The following SORCS3 variants were observed in gnomAD, a reference collection of about 807,000 sequenced individuals.
SORCS3 encodes the protein sortilin related VPS10 domain containing receptor 3, also known as VPS10 domain-containing receptor SorCS3.
Under a neutral mutation model 146.3 loss-of-function variants are expected in SORCS3, and 57 were observed. That is an observed-to-expected ratio of 0.39 (90% CI 0.31 to 0.49). SORCS3 has a LOEUF of 0.49. Ranked by LOEUF, SORCS3 falls within the 20% of genes least tolerant of loss-of-function variation. SORCS3 has a pLI of 0.92. For missense variants in SORCS3, 1,341 were observed against 1,575.5 expected (o/e 0.85, Z 2.52); for synonymous variants, 653 against 618.5 (o/e 1.06, Z -0.83).
chr10:105,248,509 A>G (rs920680263), intron 22 of SORCS3, among the ~76,000 whole-genome samples: 1 of 152,028 alleles, frequency 6.6e-6, no homozygotes, highest in Non-Finnish European at 1.5e-5. Context: ...AGGTCAAGAG[A>G]TCGAGACCAT....
chr10:104,987,484 G>A (rs1209300942), intron 4 of SORCS3, among the ~76,000 whole-genome samples: 5 of 152,160 alleles, frequency 3.3e-5, no homozygotes, highest in Admixed American at 1.3e-4. Flanking sequence ...GGCTGATTTA[G>A]TAAAACCCTT....
At chr10:104,712,038 C>G (rs780975443) in intron 1 of SORCS3, among the ~76,000 whole-genome samples, 3 of 152,150 alleles carry the variant, frequency 2.0e-5, no homozygotes, top group Non-Finnish European at 4.4e-5. Context: ...ACTGGATCCT[C>G]AGCACATAAG....
chr10:104,923,927 A>G (rs1007690293), intron 3 of SORCS3, among the ~76,000 whole-genome samples: 3 of 152,192 alleles, frequency 2.0e-5, no homozygotes, highest in African/African-American at 4.8e-5. Context: ...GTTTTTTGAG[A>G]GTTTGCTATG....
chr10:105,080,294 T>C (rs1169374433), intron 5 of SORCS3, among the ~76,000 whole-genome samples: 1 of 152,240 alleles, frequency 6.6e-6, no homozygotes, highest in Non-Finnish European at 1.5e-5. Flanking sequence ...CTGATTTGCA[T>C]TTCTCTAATG....
At chr10:105,165,567 A>C (rs887538472) in intron 12 of SORCS3, among the ~76,000 whole-genome samples, 1 of 152,174 alleles carries the variant, frequency 6.6e-6, no homozygotes, top group Non-Finnish European at 1.5e-5. Flanking sequence ...CAAGGCACAC[A>C]GTCAATAATA....
intron 1 of SORCS3, among the ~76,000 whole-genome samples, chr10:104,671,669 A>G (rs2015856236): frequency 6.6e-6 from 1 of 151,194 alleles, no homozygotes; most frequent in Admixed American, 6.6e-5. Flanking sequence ...TAGTTTGTTG[A>G]GTGTTTTTAT....
intron 1 of SORCS3, among the ~76,000 whole-genome samples, chr10:104,737,819 C>G (rs2016793060): frequency 6.7e-6 from 1 of 150,018 alleles, no homozygotes; most frequent in South Asian, 2.2e-4. Flanking sequence ...GTTGCCATTG[C>G]TTTTGGTGTT....
intron 3 of SORCS3, among the ~76,000 whole-genome samples, chr10:104,965,183 G>A (rs77554200): frequency 0.012 from 1,811 of 152,266 alleles, 34 homozygotes; most frequent in African/African-American, 0.04. Flanking sequence ...CTGGGTGAAC[G>A]TATCTCTCTT....
chr10:105,200,159 G>A, intron 15 of SORCS3, 43 bp downstream of exon 15: 1 of 1,496,676 alleles, frequency 6.7e-7, no homozygotes, highest in Non-Finnish European at 9.3e-7. Flanking sequence ...TGAGGAGGAG[G>A]AGCTAGTGCA....
intron 2 of SORCS3, among the ~76,000 whole-genome samples, chr10:104,880,003 C>T (rs1484103776): frequency 6.6e-6 from 1 of 152,154 alleles, no homozygotes; most frequent in Non-Finnish European, 1.5e-5. Context: ...TTCCACAGCT[C>T]TAATCCTTTC....
At chr10:105,222,409 G>C (rs1034445892) in intron 19 of SORCS3, among the ~76,000 whole-genome samples, 2 of 152,066 alleles carry the variant, frequency 1.3e-5, no homozygotes, top group African/African-American at 4.8e-5. Flanking sequence ...AGTTTGGAAA[G>C]TAAAATCCTC....
chr10:104,696,579 T>G (rs1251761226), intron 1 of SORCS3, among the ~76,000 whole-genome samples: 14 of 100,304 alleles, frequency 1.4e-4, no homozygotes, highest in African/African-American at 2.6e-4. Context: ...ATATAATATA[T>G]AATATATATT....
chr10:105,243,414 C>T (rs2056848233), intron 20 of SORCS3, among the ~76,000 whole-genome samples: 1 of 152,188 alleles, frequency 6.6e-6, no homozygotes, highest in East Asian at 1.9e-4. Context: ...CTGTGCCACA[C>T]ATGTTGATAT....
chr10:105,160,964 T>C (rs998298062), intron 11 of SORCS3, among the ~76,000 whole-genome samples: 1 of 152,200 alleles, frequency 6.6e-6, no homozygotes, highest in Non-Finnish European at 1.5e-5. Flanking sequence ...AGTATGTGTC[T>C]ATAAGACCCA....
rs114946242 is a variant in SORCS3 at position 104,709,952 on chromosome 10, T to C, written c.627+67998T>C. Among the ~76,000 whole-genome samples the C allele has an allele frequency of 9.2e-3, 1,402 of 152,172 alleles. 17 individuals carry two copies. Among genetic ancestry groups the C allele is most frequent in the African/African-American group, 0.032 (1,325 of 41,514 alleles). ...TTAACCTTTGCTGAATTTTCCCTTC[T>C]AGCTAGAAACTAGTTTTCCCAGTAC... On this transcript the variant is annotated intron_variant, in intron 1 of 26. Transcript: ENST00000369701.
chr10:105,245,400 C>T, intron 20 of SORCS3, 142 bp from the exon 21 acceptor site: 1 of 934,898 alleles, frequency 1.1e-6, no homozygotes, highest in Admixed American at 2.3e-5. Flanking sequence ...AGAATAATCA[C>T]AGTTTTAAGA....
At position 104,726,044 on chromosome 10, in the gene SORCS3, A is replaced by T. The variant is rs144226615; in HGVS notation, c.627+84090A>T. Among the ~76,000 whole-genome samples the T allele has an allele frequency of 1.4e-4, 22 of 152,326 alleles. No individual in the cohort carries two copies. The East Asian group carries it at 4.3e-3, about 29-fold the overall frequency. ...CCCGGTACCTCAGTTGGAAATGCAGAAATCACCTGTCTTCTGCATCGCTCA... is the reference window on the plus strand; with the variant it reads ...CCCGGTACCTCAGTTGGAAATGCAGTAATCACCTGTCTTCTGCATCGCTCA... On this transcript the variant is annotated intron_variant, in intron 1 of 26. Coordinates refer to ENST00000369701, the MANE Select transcript of SORCS3 (RefSeq NM_014978.3).
Position 105,203,916 on chromosome 10 carries a change from G to A in SORCS3, c.2261+2663G>A, listed in dbSNP as rs529493290. Among the ~76,000 whole-genome samples the A allele has an allele frequency of 1.2e-4, 19 of 152,186 alleles. No individual in the cohort carries two copies. In the Middle Eastern group the frequency reaches 0.01, roughly 82 times the overall value. ...TTAAGTGGTCCCTATGGTATTTTTG[G>A]AAGTAAACCAAAGCTTATACATCCA... is the stretch of plus-strand genomic sequence containing the variant. On this transcript the variant is annotated intron_variant, in intron 16 of 26. Transcript: ENST00000369701.
chr10:104,987,869 T>A (rs1158960169), intron 4 of SORCS3, among the ~76,000 whole-genome samples: 1 of 152,204 alleles, frequency 6.6e-6, no homozygotes, highest in Non-Finnish European at 1.5e-5. Context: ...AATAAATGAT[T>A]CTGGAGCCAA....
Sources: gnomAD v4.1 joint callset for allele counts (sites outside exome capture counted in the v4.1 genomes callset) on GRCh38, gnomAD v4.1.1 for gene constraint, MANE v1.5 for transcripts, NCBI Gene and HGNC (gene_info 2026-07-23, HGNC 2026-07-21) for gene names.